OSGEP: variants seen among roughly 807,000 people sequenced by gnomAD.
The protein encoded by OSGEP is tRNA N6-adenosine threonylcarbamoyltransferase.
A neutral mutation model predicts 44.1 loss-of-function variants in OSGEP; 39 were observed. The observed-to-expected ratio is 0.88, with a 90% CI of 0.69 to 1.16. OSGEP has a LOEUF of 1.16. Ranked by LOEUF, OSGEP falls within the 50% of genes most tolerant of loss-of-function variation. The pLI, the probability that OSGEP is intolerant of heterozygous loss-of-function variation, is 0.00. For synonymous variants in OSGEP, 139 were observed against 161.9 expected, an observed-to-expected ratio of 0.86 and a Z score of 1.07; for missense variants, 403 against 443.1, an observed-to-expected ratio of 0.91 and a Z score of 0.81.
Position 20,453,114 on chromosome 14 carries a change from T to C in OSGEP, c.116-666A>G, listed in dbSNP as rs182939454. On this transcript the variant is annotated intron_variant, in intron 1 of 10. Transcript: ENST00000206542. ...ATAATTTTCTGTGGTTTGCTCAGCT[T>C]AATCATGAATATCTCAAAGCATTGA... Among the ~76,000 whole-genome samples the C allele has an allele frequency of 1.5e-3, 232 of 152,328 alleles. 2 individuals are homozygous for C. Among genetic ancestry groups the C allele is most frequent in the African/African-American group, 5.3e-3 (222 of 41,560 alleles).
intron 1 of OSGEP, among the ~76,000 whole-genome samples, chr14:20,453,888 G>A (rs563758243): frequency 3.0e-4 from 45 of 151,966 alleles, no homozygotes; most frequent in African/African-American, 9.4e-4. Context: ...ATGTGGTGGC[G>A]CACACCTATA....
intron 3 of OSGEP, 145 bp from the exon 4 acceptor site, chr14:20,449,411 G>A: frequency 1.6e-6 from 1 of 643,416 alleles, no homozygotes; most frequent in Non-Finnish European, 2.8e-6. Flanking sequence ...ATGGTGAATG[G>A]GTAGTTTTTA....
At position 20,448,823 on chromosome 14, in the gene OSGEP, T is replaced by G. The variant is rs1881024590; in HGVS notation, c.558-12A>C. 2 of 1,609,426 alleles carry G rather than the reference T, an allele frequency of 1.2e-6. No homozygotes were observed. Among genetic ancestry groups the G allele is most frequent in the Admixed American group, 1.7e-5 (1 of 60,006 alleles). ...CTAGCTTCTTGCCTCTATGTGGGAA[T>G]AAGCGTACGAGGCACTAAGCCTACA... On this transcript the variant is annotated splice_polypyrimidine_tract_variant and intron_variant, in intron 5 of 10. Coordinates refer to ENST00000206542, the MANE Select transcript of OSGEP (RefSeq NM_017807.4).
Position 20,447,588 on chromosome 14 carries a change from A to G in OSGEP, c.869+27T>C. On this transcript the variant is annotated intron_variant, in intron 9 of 10. Coordinates refer to ENST00000206542, the MANE Select transcript of OSGEP (RefSeq NM_017807.4). ...AATCACTATAACAGGAGAAGTAAAAAAGAAACCAAAGGGAAAGTGTCTTTA... is the reference window on the plus strand; with the variant it reads ...AATCACTATAACAGGAGAAGTAAAAGAGAAACCAAAGGGAAAGTGTCTTTA... 4 of 1,612,354 alleles carry G rather than the reference A, an allele frequency of 2.5e-6. No homozygotes were observed. In the South Asian group the frequency reaches 4.4e-5, roughly 18 times the overall value.
rs759159323 is a variant in OSGEP at position 20,448,935 on chromosome 14, C to T, written c.557+29G>A. 3.7e-6 allele frequency: 6 copies of T among 1,612,508 alleles called. No individual in the cohort carries two copies. The Admixed American group carries it at 1.0e-4, about 27-fold the overall frequency. On this transcript the variant is annotated intron_variant, in intron 5 of 10. Transcript: ENST00000206542. ...GGGAAATCCCTGAAGCCCCAGCAGC[C>T]AGCCTGCTTCCACCTTATGTCCCCT...
intron 6 of OSGEP, among the ~76,000 whole-genome samples, 161 bp from the exon 7 acceptor site, chr14:20,448,332 G>A (rs532477228): frequency 1.2e-4 from 19 of 152,290 alleles, no homozygotes; most frequent in African/African-American, 4.3e-4. Flanking sequence ...GGCATAGAAT[G>A]AGCAGCTTTC....
intron 8 of OSGEP, 100 bp from the exon 9 acceptor site, chr14:20,447,790 G>T (rs938205771): frequency 1.8e-5 from 22 of 1,225,492 alleles, no homozygotes; most frequent in Non-Finnish European, 2.3e-5. Context: ...TGACATAGGG[G>T]ATTAGGGGCA....
At position 20,454,703 on chromosome 14, in the gene OSGEP, C is replaced by G; in HGVS notation, c.-20G>C. On this transcript the variant is annotated 5_prime_UTR_variant, in exon 1 of 11. Transcript: ENST00000206542. ...CGGCATGGCGGAGGCTGGGAGAAAA[C>G]GCCGACAGGACTCCTGGCAATGTCA... is the stretch of plus-strand genomic sequence containing the variant. The G allele has an allele frequency of 6.4e-7, 1 of 1,571,458 alleles. No homozygotes were observed. Among genetic ancestry groups the G allele is most frequent in the Non-Finnish European group, 8.8e-7 (1 of 1,142,432 alleles).
chr14:20,449,310 A>T, intron 3 of OSGEP, 44 bp from the exon 4 acceptor site: 3 of 1,204,564 alleles, frequency 2.5e-6, no homozygotes, highest in Non-Finnish European at 3.7e-6. Flanking sequence ...GTCTGTAAAG[A>T]GGATTATTTG....
chr14:20,448,161 T>C lies in OSGEP; in HGVS notation c.647A>G (p.His216Arg), dbSNP rs145686222. 2.5e-5 allele frequency: 41 copies of C among 1,612,950 alleles called. 1 individual carries two copies. In the Middle Eastern group the frequency reaches 4.9e-4, roughly 19 times the overall value. The stretch of plus-strand genomic sequence containing the variant: ...ACACTCGCCTGTGGCCAGCATCCGA[T>C]GGGCTACATCCTACAATTAAAGGGA... ...GILSFIEDVA[H>R]RMLATGECTP... The change falls in exon 7 of 11, where the codon CAT becomes CGT. Residue 216 changes from histidine to arginine, a missense_variant. Coordinates refer to ENST00000206542, the MANE Select transcript of OSGEP (RefSeq NM_017807.4).
intron 2 of OSGEP, 25 bp downstream of exon 2, chr14:20,452,304 T>A (rs1566509806): frequency 6.2e-7 from 1 of 1,612,522 alleles, no homozygotes; most frequent in Non-Finnish European, 8.5e-7. Context: ...TATTCCTCCA[T>A]CGTTGACCAC....
rs1881124775 is a variant in OSGEP at position 20,452,334 on chromosome 14, G to A, written c.230C>T (p.Thr77Ile). ...GACCACTCTCCCAGCCATACCCTTG[G>A]TGTATGCAATGCAGTCGATATCCTG... The part of the protein sequence containing the change: ...TSQDIDCIAY[T>I]KGPGMGAPLV... The change falls in exon 2 of 11, where the codon ACC (threonine) becomes ATC (isoleucine). Residue 77 changes from threonine (T) to isoleucine (I), a missense_variant. Thr to Ile is a moderately conservative substitution (Grantham distance 89). Transcript: ENST00000206542. 1.9e-6 allele frequency: 3 copies of A among 1,613,634 alleles called. No individual in the cohort carries two copies. Among genetic ancestry groups the A allele is most frequent in the Non-Finnish European group, 1.7e-6 (2 of 1,179,960 alleles).
intron 4 of OSGEP, 24 bp from the exon 5 acceptor site, chr14:20,449,037 A>C: frequency 6.2e-7 from 1 of 1,603,252 alleles, no homozygotes; most frequent in Non-Finnish European, 8.5e-7. Flanking sequence ...AAAATAAGGA[A>C]GGAGGGAATG....
At position 20,452,319 on chromosome 14, in the gene OSGEP, C is replaced by T. The variant is rs771501851; in HGVS notation, c.235+10G>A. ...TATTCCTCCATCGTTGACCACTCTC[C>T]CAGCCATACCCTTGGTGTATGCAAT... On this transcript the variant is annotated intron_variant, in intron 2 of 10. Transcript: ENST00000206542. 2.5e-6 allele frequency: 4 copies of T among 1,613,220 alleles called. No homozygotes were observed. Among genetic ancestry groups the T allele is most frequent in the African/African-American group, 1.3e-5 (1 of 75,010 alleles).
rs752450207 is a variant in OSGEP, at chr14:20,452,073, C to G, written c.312G>C (p.Leu104Phe). 6 of 1,613,888 alleles carry G rather than the reference C, an allele frequency of 3.7e-6. No individual in the cohort carries two copies. The highest frequency in any genetic ancestry group is 5.1e-6 in the Non-Finnish European group (6 of 1,179,994). Residue 104 changes from leucine to phenylalanine, a missense_variant, in exon 3 of 11, where the codon TTG becomes TTC. Transcript: ENST00000206542. ...GGCCTATACAGTGGTTCACACCCAC[C>G]AATGGCTTATTCCACAGTTGGGCCA... ...RTVAQLWNKPLVGVNHCIGHI... is the reference protein window; with the variant it reads ...RTVAQLWNKPFVGVNHCIGHI...
In OSGEP at chr14:20,448,610, T is replaced by C; in HGVS notation, c.636+123A>G. The C allele has an allele frequency of 1.0e-5, 7 of 678,094 alleles. No individual in the cohort carries two copies. The South Asian group carries it at 1.1e-4, about 11-fold the overall frequency. The allele number at this position is 678,094 out of a possible 1,614,324, so 42.0% of individuals were successfully genotyped here. ...CTTCTAAATGAATTTACCCAGCACA[T>C]GATATGGACCAGTACTGTGCTACAT... On this transcript the variant is annotated intron_variant, in intron 6 of 10. Coordinates refer to ENST00000206542, the MANE Select transcript of OSGEP (RefSeq NM_017807.4).
At chr14:20,448,231 G>T in intron 6 of OSGEP, 60 bp from the exon 7 acceptor site, 1 of 1,401,556 alleles carries the variant, frequency 7.1e-7, no homozygotes, top group Non-Finnish European at 1.0e-6. Flanking sequence ...TTACACGAGA[G>T]CAAAAATTAA....
chr14:20,451,152 A>G (rs1480603939), intron 3 of OSGEP: 1 of 155,120 alleles, frequency 6.4e-6, no homozygotes, highest in African/African-American at 2.4e-5. Context: ...AATACCTTCT[A>G]TAATTTACAA....
Position 20,452,067 on chromosome 14 carries a change from A to T in OSGEP, c.318T>A (p.Gly106=). Residue 106 remains glycine (G), a synonymous_variant, in exon 3 of 11, where the codon GGT becomes GGA. Coordinates refer to ENST00000206542, the MANE Select transcript of OSGEP (RefSeq NM_017807.4). The stretch of plus-strand genomic sequence containing the variant: ...CAATGTGGCCTATACAGTGGTTCAC[A>T]CCCACCAATGGCTTATTCCACAGTT... ...VAQLWNKPLV[G]VNHCIGHIEM... The T allele has an allele frequency of 6.2e-7, 1 of 1,613,814 alleles. No homozygotes were observed. The highest frequency in any genetic ancestry group is 8.5e-7 in the Non-Finnish European group (1 of 1,179,980).
Sources: gnomAD v4.1 joint callset for allele counts (sites outside exome capture counted in the v4.1 genomes callset) on GRCh38, gnomAD v4.1.1 for gene constraint, MANE v1.5 for transcripts, NCBI Gene and HGNC (gene_info 2026-07-23, HGNC 2026-07-21) for gene names.